KCNT2: variants seen among roughly 807,000 people sequenced by gnomAD.
KCNT2 encodes potassium channel subfamily T member 2.
KCNT2 carries 67 observed loss-of-function variants against 153.8 expected under a neutral mutation model. That is an observed-to-expected ratio of 0.44 (90% CI 0.36 to 0.53). KCNT2 has a LOEUF of 0.53. Among genes scored for constraint, KCNT2 ranks in the 20% least tolerant of loss-of-function variants. The pLI is 0.00. For synonymous variants in KCNT2, 500 were observed against 458.8 expected, an observed-to-expected ratio of 1.09 and a Z score of -1.15; for missense variants, 975 against 1,354.8, an observed-to-expected ratio of 0.72 and a Z score of 4.40.
At chr1:196,529,902 C>G (rs1050349551) in intron 1 of KCNT2, among the ~76,000 whole-genome samples, 4 of 152,018 alleles carry the variant, frequency 2.6e-5, no homozygotes, top group Admixed American at 2.0e-4. Context: ...GATCTTTACT[C>G]TGGTAAACAA....
intron 5 of KCNT2, among the ~76,000 whole-genome samples, chr1:196,473,682 T>C (rs1678285258): frequency 6.6e-6 from 1 of 152,160 alleles, no homozygotes; most frequent in Non-Finnish European, 1.5e-5. Context: ...TTCTAAACTA[T>C]GAGATACATC....
chr1:196,322,132 T>C (rs895103965), intron 19 of KCNT2, among the ~76,000 whole-genome samples: 1 of 151,904 alleles, frequency 6.6e-6, no homozygotes, highest in Admixed American at 6.6e-5. Context: ...TAGAATAAAA[T>C]GTATGCATTT....
chr1:196,341,693 C>A (rs571837904), intron 15 of KCNT2, among the ~76,000 whole-genome samples: 6 of 151,752 alleles, frequency 4.0e-5, no homozygotes, highest in Non-Finnish European at 8.8e-5. Context: ...AAACAAGGGC[C>A]ACCATCAGAG....
intron 8 of KCNT2, among the ~76,000 whole-genome samples, chr1:196,464,428 A>G (rs971665917): frequency 6.6e-6 from 1 of 151,958 alleles, no homozygotes; most frequent in African/African-American, 2.4e-5. Flanking sequence ...CTATTGATAC[A>G]AAAACTTGTC....
intron 14 of KCNT2, among the ~76,000 whole-genome samples, chr1:196,342,442 A>G (rs962912714): frequency 8.4e-5 from 12 of 143,270 alleles, no homozygotes; most frequent in Admixed American, 4.2e-4. Flanking sequence ...ATATATATAT[A>G]TATATGTATA....
At chr1:196,444,686 T>C (rs1311833560) in intron 8 of KCNT2, among the ~76,000 whole-genome samples, 1 of 151,356 alleles carries the variant, frequency 6.6e-6, no homozygotes, top group Non-Finnish European at 1.5e-5. Flanking sequence ...GGACAAATTA[T>C]AAATTATTTC....
At chr1:196,553,059 C>A (rs1658160557) in intron 1 of KCNT2, among the ~76,000 whole-genome samples, 3 of 151,046 alleles carry the variant, frequency 2.0e-5, no homozygotes, top group Non-Finnish European at 4.4e-5. Context: ...AGGAATAACT[C>A]CCTACTTATC....
chr1:196,531,421 T>C (rs765813758), intron 1 of KCNT2, among the ~76,000 whole-genome samples: 63 of 152,082 alleles, frequency 4.1e-4, no homozygotes, highest in Non-Finnish European at 6.3e-4. Context: ...GGACTTAGAA[T>C]GCACCACGTT....
intron 1 of KCNT2, among the ~76,000 whole-genome samples, chr1:196,551,587 C>T (rs1234089856): frequency 6.6e-6 from 1 of 151,684 alleles, no homozygotes; most frequent in Non-Finnish European, 1.5e-5. Flanking sequence ...CTTAGAGAGA[C>T]ATCTTCTAAA....
intron 8 of KCNT2, among the ~76,000 whole-genome samples, chr1:196,442,029 G>A (rs541624818): frequency 1.3e-5 from 2 of 151,782 alleles, no homozygotes; most frequent in African/African-American, 4.8e-5. Flanking sequence ...AAAGGCAATC[G>A]CATAGTACAG....
rs533230418 is a variant in KCNT2, at chr1:196,334,487, C to CTTTTTTTT, written c.1784-435_1784-428dup. ...TTTTCTTTTATTTCTTTCTTTCTTT[C>CTTTTTTTT]TTTTTTTTTTTTAAGACAGAGTCTC... On this transcript the variant is annotated intron_variant, in intron 16 of 27. Coordinates refer to ENST00000294725, the MANE Select transcript of KCNT2 (RefSeq NM_198503.5). Among the ~76,000 whole-genome samples, 112 of 87,288 alleles carry CTTTTTTTT rather than the reference C, an allele frequency of 1.3e-3. 18 individuals carry two copies. The highest frequency in any genetic ancestry group is 4.6e-3 in the South Asian group (9 of 1,968). The allele number at this position is 87,288 out of a possible 152,430, so 57.3% of individuals were successfully genotyped here.
chr1:196,575,258 G>A (rs1386757765), intron 1 of KCNT2, among the ~76,000 whole-genome samples: 1 of 151,842 alleles, frequency 6.6e-6, no homozygotes, highest in Non-Finnish European at 1.5e-5. Flanking sequence ...TTTTAAATTT[G>A]GAATTCTTTG....
intron 18 of KCNT2, among the ~76,000 whole-genome samples, chr1:196,327,393 T>C (rs1663975533): frequency 6.6e-6 from 1 of 151,746 alleles, no homozygotes; most frequent in Non-Finnish European, 1.5e-5. Flanking sequence ...TCAAATACTC[T>C]AAAGTAAAAT....
intron 3 of KCNT2, among the ~76,000 whole-genome samples, chr1:196,487,217 G>A (rs1181099430): frequency 6.6e-6 from 1 of 151,934 alleles, no homozygotes; most frequent in Admixed American, 6.6e-5. Flanking sequence ...TGGTTCTCAT[G>A]TGAGACCTGA....
At chr1:196,268,557 C>T (rs1434206042) in intron 25 of KCNT2, among the ~76,000 whole-genome samples, 1 of 152,132 alleles carries the variant, frequency 6.6e-6, no homozygotes, top group Non-Finnish European at 1.5e-5. Context: ...CACGAGTGAA[C>T]TGTAACAGTG....
chr1:196,589,744 G>C (rs75464219), intron 1 of KCNT2, among the ~76,000 whole-genome samples: 4 of 151,926 alleles, frequency 2.6e-5, no homozygotes, highest in Non-Finnish European at 4.4e-5. Context: ...ATACTGAATC[G>C]TCCCTTTCAT....
chr1:196,491,620 G>T (rs905891258), intron 2 of KCNT2, among the ~76,000 whole-genome samples: 2 of 151,954 alleles, frequency 1.3e-5, no homozygotes, highest in Non-Finnish European at 2.9e-5. Context: ...AAGCATCAGC[G>T]GCACTCCTAA....
rs112969583 is a variant in KCNT2 at position 196,276,242 on chromosome 1, T to A, written c.2910+4618A>T. 5.2e-3 allele frequency among the ~76,000 whole-genome samples: 789 copies of A among 152,182 alleles called. 9 individuals are homozygous for A. Among genetic ancestry groups the A allele is most frequent in the African/African-American group, 0.018 (744 of 41,574 alleles). ...ATCAAAATTCAGGACATACCATGAC[T>A]AAGTATACTTTACAGATAAGATATA... On this transcript the variant is annotated intron_variant, in intron 25 of 27. Coordinates refer to ENST00000294725, the MANE Select transcript of KCNT2 (RefSeq NM_198503.5).
At chr1:196,247,039 A>G (rs922648080) in intron 26 of KCNT2, among the ~76,000 whole-genome samples, 2 of 152,146 alleles carry the variant, frequency 1.3e-5, no homozygotes, top group African/African-American at 4.8e-5. Context: ...TGCCTACAAG[A>G]AACACACTTC....
Sources: gnomAD v4.1 joint callset for allele counts (sites outside exome capture counted in the v4.1 genomes callset) on GRCh38, gnomAD v4.1.1 for gene constraint, MANE v1.5 for transcripts, NCBI Gene and HGNC (gene_info 2026-07-23, HGNC 2026-07-21) for gene names.